The following TSHZ2 variants were observed in gnomAD, a reference collection of about 807,000 sequenced individuals.
TSHZ2 encodes teashirt homolog 2.
A neutral mutation model predicts 74.4 loss-of-function variants in TSHZ2; 21 were observed. That is an observed-to-expected ratio of 0.28 (90% CI 0.20 to 0.41). TSHZ2 has a LOEUF of 0.41. Among genes scored for constraint, TSHZ2 ranks in the 10% least tolerant of loss-of-function variants. The probability of loss-of-function intolerance (pLI) is 1.00; values close to 1 mark genes in which losing one functional copy is unlikely to be tolerated. For synonymous variants in TSHZ2, 540 were observed against 515.3 expected (o/e 1.05, Z -0.65); for missense variants, 1,244 against 1,293.5 (o/e 0.96, Z 0.59).
chr20:53,348,194 A>G (rs1336247840), intron 2 of TSHZ2, among the ~76,000 whole-genome samples: 1 of 152,262 alleles, frequency 6.6e-6, no homozygotes, highest in African/African-American at 2.4e-5. Context: ...GAAAACTTTT[A>G]TATGAGTGTT....
intron 1 of TSHZ2, among the ~76,000 whole-genome samples, chr20:53,098,316 G>A (rs73140238): frequency 0.067 from 10,177 of 152,220 alleles, 428 homozygotes; most frequent in Non-Finnish European, 0.1. Flanking sequence ...TCTATGTCTG[G>A]GGTAGTAAAT....
chr20:52,975,522 G>T lies in TSHZ2; in HGVS notation c.40+2189G>T, dbSNP rs545438124. On this transcript the variant is annotated intron_variant, in intron 1 of 2. Transcript: ENST00000371497. ...TTATTGGTGTGTGTGGGTGTGTGGG[G>T]GTGTGTGTGTGTGTGTGTTAGAAAC... is the stretch of plus-strand genomic sequence containing the variant. 9.7e-3 allele frequency among the ~76,000 whole-genome samples: 1,463 copies of T among 150,186 alleles called. 18 individuals are homozygous for T. The highest frequency in any genetic ancestry group is 0.031 in the African/African-American group (1,278 of 41,116).
In TSHZ2 at chr20:53,175,127, CTTTCTT is replaced by C. The variant is rs1338743040; in HGVS notation, c.41-78368_41-78363del. 3.1e-4 allele frequency among the ~76,000 whole-genome samples: 21 copies of C among 68,180 alleles called. No individual in the cohort carries two copies. In the East Asian group the frequency reaches 0.014, roughly 47 times the overall value. 44.7% of individuals were successfully genotyped at this position (68,180 alleles called of 152,430 possible). A position where few individuals can be genotyped will look rare whatever the true frequency, so the allele number is the denominator to read the frequency against. On this transcript the variant is annotated intron_variant, in intron 1 of 2. Coordinates refer to ENST00000371497, the MANE Select transcript of TSHZ2 (RefSeq NM_173485.6). Reference sequence around the variant, plus strand: ...TCTTCTCCTTCTCCTCCTTCTTCTTCTTTCTTTTTTTTTTTTTTTTTTTTTTTTTTT... The same window carrying C: ...TCTTCTCCTTCTCCTCCTTCTTCTTCTTTTTTTTTTTTTTTTTTTTTTTTT...
At chr20:53,262,240 A>C (rs1386057024) in intron 2 of TSHZ2, among the ~76,000 whole-genome samples, 1 of 151,892 alleles carries the variant, frequency 6.6e-6, no homozygotes, top group Admixed American at 6.6e-5. Flanking sequence ...TTAACTATCA[A>C]GTTTAAAGCT....
chr20:53,140,386 A>G lies in TSHZ2; in HGVS notation c.41-113113A>G, dbSNP rs1259615819. 2.0e-5 allele frequency among the ~76,000 whole-genome samples: 3 copies of G among 151,744 alleles called. No homozygotes were observed. In the East Asian group the frequency reaches 5.8e-4, roughly 29 times the overall value. On this transcript the variant is annotated intron_variant, in intron 1 of 2. Coordinates refer to ENST00000371497, the MANE Select transcript of TSHZ2 (RefSeq NM_173485.6). ...AAACCCTGTCTCTACTAAAAATACA[A>G]AAAATTAGCCAGGCGAGGTGGCAGG...
chr20:53,094,355 G>A (rs769387315), intron 1 of TSHZ2, among the ~76,000 whole-genome samples: 4 of 151,966 alleles, frequency 2.6e-5, no homozygotes, highest in Non-Finnish European at 5.9e-5. Flanking sequence ...TTACTTAAGG[G>A]CCCACTAAAA....
At chr20:53,056,914 G>A (rs901462800) in intron 1 of TSHZ2, among the ~76,000 whole-genome samples, 10 of 152,106 alleles carry the variant, frequency 6.6e-5, no homozygotes, top group African/African-American at 2.4e-4. Context: ...CAATGATATG[G>A]TGTGGCTGTG....
chr20:53,003,939 A>G (rs1600640616), intron 1 of TSHZ2, among the ~76,000 whole-genome samples: 2 of 149,758 alleles, frequency 1.3e-5, no homozygotes, highest in Admixed American at 1.3e-4. Context: ...GTGCACACTC[A>G]TACCACATGG....
At chr20:53,266,383 C>T (rs1990717191) in intron 2 of TSHZ2, among the ~76,000 whole-genome samples, 1 of 152,170 alleles carries the variant, frequency 6.6e-6, no homozygotes, top group South Asian at 2.1e-4. Flanking sequence ...CTCATTTTCA[C>T]TAATTTGATG....
chr20:53,393,783 T>C (rs960497478), intron 2 of TSHZ2, among the ~76,000 whole-genome samples: 3 of 152,220 alleles, frequency 2.0e-5, no homozygotes, highest in African/African-American at 7.2e-5. Flanking sequence ...CTATTTAAGA[T>C]TGACGTCTCC....
intron 1 of TSHZ2, among the ~76,000 whole-genome samples, chr20:53,069,740 G>A (rs1231403507): frequency 1.4e-5 from 2 of 145,594 alleles, no homozygotes; most frequent in East Asian, 2.1e-4. Flanking sequence ...GAGAGGAAAA[G>A]CAAAGAGACG....
chr20:52,991,117 T>C (rs1202509173), intron 1 of TSHZ2, among the ~76,000 whole-genome samples: 1 of 152,048 alleles, frequency 6.6e-6, no homozygotes. Flanking sequence ...GCTTTTCTGA[T>C]GCATGATTTT....
At chr20:53,364,006 T>C (rs1209590767) in intron 2 of TSHZ2, among the ~76,000 whole-genome samples, 1 of 152,094 alleles carries the variant, frequency 6.6e-6, no homozygotes. Flanking sequence ...TAAAAACATA[T>C]GGATGGTGTT....
At chr20:53,187,761 G>A (rs1007481380) in intron 1 of TSHZ2, among the ~76,000 whole-genome samples, 1 of 152,064 alleles carries the variant, frequency 6.6e-6, no homozygotes, top group African/African-American at 2.4e-5. Context: ...ATGTGCTTGG[G>A]ATAATAATTT....
At chr20:53,244,909 T>C (rs1034220306) in intron 1 of TSHZ2, among the ~76,000 whole-genome samples, 2 of 152,340 alleles carry the variant, frequency 1.3e-5, no homozygotes, top group Admixed American at 6.5e-5. Context: ...AGCTCTTTTC[T>C]TATGCATTCT....
At chr20:53,292,934 T>C (rs1209704777) in intron 2 of TSHZ2, among the ~76,000 whole-genome samples, 1 of 152,214 alleles carries the variant, frequency 6.6e-6, no homozygotes, top group East Asian at 1.9e-4. Context: ...ATGCTTCTTA[T>C]ATGTCCCCTC....
chr20:52,973,945 C>A (rs1055545746), intron 1 of TSHZ2, among the ~76,000 whole-genome samples: 3 of 152,140 alleles, frequency 2.0e-5, no homozygotes, highest in Non-Finnish European at 2.9e-5. Flanking sequence ...TTTAAAAAAA[C>A]CAAAAAGGGT....
intron 2 of TSHZ2, among the ~76,000 whole-genome samples, chr20:53,472,338 G>A (rs1314442592): frequency 6.6e-6 from 1 of 152,176 alleles, no homozygotes; most frequent in Non-Finnish European, 1.5e-5. Flanking sequence ...CTAGGGTCAG[G>A]GTGAGCCATT....
At chr20:53,309,031 G>A (rs1178678404) in intron 2 of TSHZ2, among the ~76,000 whole-genome samples, 1 of 152,188 alleles carries the variant, frequency 6.6e-6, no homozygotes, top group Admixed American at 6.5e-5. Context: ...CATGAAGGGA[G>A]GACCAAGGTT....
Sources: allele counts gnomAD v4.1 joint callset (sites outside exome capture counted in the v4.1 genomes callset), GRCh38; gene constraint gnomAD v4.1.1; transcripts MANE v1.5; gene names NCBI Gene and HGNC (gene_info 2026-07-23, HGNC 2026-07-21).